The following ANKS6 variants were observed in gnomAD, a reference collection of about 807,000 sequenced individuals.
ANKS6 encodes the protein ankyrin repeat and sterile alpha motif domain containing 6, also known as ankyrin repeat and SAM domain-containing protein 6.
ANKS6 carries 47 observed loss-of-function variants against 77.9 expected under a neutral mutation model. That is an observed-to-expected ratio of 0.60 (90% CI 0.48 to 0.77). The LOEUF is 0.77. Ranked by LOEUF, ANKS6 falls within the 30% of genes least tolerant of loss-of-function variation. ANKS6 has a pLI of 0.00. For synonymous variants in ANKS6, 488 were observed against 501.7 expected, an observed-to-expected ratio of 0.97 and a Z score of 0.37; for missense variants, 1,150 against 1,159.1, an observed-to-expected ratio of 0.99 and a Z score of 0.11.
At chr9:98,758,451 C>T (rs562970266) in intron 11 of ANKS6, among the ~76,000 whole-genome samples, 1 of 151,882 alleles carries the variant, frequency 6.6e-6, no homozygotes, top group Non-Finnish European at 1.5e-5. Flanking sequence ...CAAAGCTTTC[C>T]AAGGTCCCTT....
intron 11 of ANKS6, among the ~76,000 whole-genome samples, chr9:98,757,114 G>A (rs1410687890): frequency 6.6e-6 from 1 of 152,146 alleles, no homozygotes; most frequent in African/African-American, 2.4e-5. Flanking sequence ...ACGTATAGAA[G>A]AGCTGCACAG....
rs202102117 is a variant in ANKS6, at chr9:98,780,219, T to C, written c.1338A>G (p.Pro446=). Residue 446 remains proline, a synonymous_variant, in exon 6 of 15, where the codon CCA becomes CCG. Transcript: ENST00000353234. ...HSKVRQPWSI[P]VLPDDKGGLK... ...GTCCACCCTTGTCATCGGGCAGCAC[T>C]GGGATGCTCCAGGGCTGTCGGACCT... is the stretch of plus-strand genomic sequence containing the variant. 63 of 1,613,968 alleles carry C rather than the reference T, an allele frequency of 3.9e-5. No homozygotes were observed. Among genetic ancestry groups the C allele is most frequent in the Non-Finnish European group, 5.0e-5 (59 of 1,180,036 alleles).
chr9:98,777,320 A>G lies in ANKS6; in HGVS notation c.1617+85T>C. Reference sequence around the variant, plus strand: ...CTATCTGTGACCACTACAAAGACAGACAAACACCTACATCCCTCCTTGTAA... The same window carrying G: ...CTATCTGTGACCACTACAAAGACAGGCAAACACCTACATCCCTCCTTGTAA... On this transcript the variant is annotated intron_variant, in intron 8 of 14. Transcript: ENST00000353234. 5 of 1,468,444 alleles carry G rather than the reference A, an allele frequency of 3.4e-6. No homozygotes were observed. In the South Asian group the frequency reaches 5.8e-5, roughly 17 times the overall value. 91.0% of individuals were successfully genotyped at this position (1,468,444 alleles called of 1,614,324 possible).
At chr9:98,756,729 A>G in intron 11 of ANKS6, 126 bp from the exon 12 acceptor site, 1 of 801,548 alleles carries the variant, frequency 1.2e-6, no homozygotes. Flanking sequence ...CAAGACTATG[A>G]AATCTACTTT....
chr9:98,766,613 T>C (rs1220682584), intron 11 of ANKS6, among the ~76,000 whole-genome samples: 1 of 152,192 alleles, frequency 6.6e-6, no homozygotes, highest in East Asian at 1.9e-4. Flanking sequence ...CAAATTATTT[T>C]GAAGATAAAA....
At position 98,735,113 on chromosome 9, in the gene ANKS6, C is replaced by A. The variant is rs1024008648; in HGVS notation, c.*1406G>T. The A allele has an allele frequency of 3.0e-6, 3 of 985,282 alleles. No individual in the cohort carries two copies. In the African/African-American group the frequency reaches 5.2e-5, roughly 17 times the overall value. The allele number at this position is 985,282 out of a possible 1,614,324, so 61.0% of individuals were successfully genotyped here. ...ATGGCTCAAGGTAGAGATCAGAATT[C>A]TGTGCAGCCTACCATCGACTGGGTA... On this transcript the variant is annotated 3_prime_UTR_variant, in exon 15 of 15. Coordinates refer to ENST00000353234, the MANE Select transcript of ANKS6 (RefSeq NM_173551.5).
chr9:98,786,236 C>T (rs1834557633), intron 2 of ANKS6, among the ~76,000 whole-genome samples: 1 of 151,770 alleles, frequency 6.6e-6, no homozygotes, highest in South Asian at 2.1e-4. Context: ...GCCTTGGCCT[C>T]CCAAACTGCT....
intron 9 of ANKS6, among the ~76,000 whole-genome samples, 168 bp downstream of exon 9, chr9:98,773,709 T>G (rs991715763): frequency 6.6e-6 from 1 of 152,158 alleles, no homozygotes; most frequent in Non-Finnish European, 1.5e-5. Flanking sequence ...TTTTCCATAC[T>G]GAGTTGCTCT....
intron 1 of ANKS6, among the ~76,000 whole-genome samples, 177 bp from the exon 2 acceptor site, chr9:98,790,783 G>C (rs542611400): frequency 2.6e-4 from 40 of 152,342 alleles, no homozygotes; most frequent in Middle Eastern, 3.4e-3. Flanking sequence ...ATGAAGGTGA[G>C]CAGCTGCCCT....
rs759935254 is a variant in ANKS6 at position 98,735,783 on chromosome 9, A to G, written c.*736T>C. The G allele has an allele frequency of 4.7e-4, 579 of 1,231,640 alleles. No homozygotes were observed. The highest frequency in any genetic ancestry group is 4.9e-4 in the Non-Finnish European group (484 of 987,988). The allele number at this position is 1,231,640 out of a possible 1,614,324, so 76.3% of individuals were successfully genotyped here. On this transcript the variant is annotated 3_prime_UTR_variant, in exon 15 of 15. Coordinates refer to ENST00000353234, the MANE Select transcript of ANKS6 (RefSeq NM_173551.5). ...TTCTATAATAGACTCTCTTTGCAATAAAGAAAAATGCGTTTGACATACACA... is the reference window on the plus strand; with the variant it reads ...TTCTATAATAGACTCTCTTTGCAATGAAGAAAAATGCGTTTGACATACACA...
Position 98,736,030 on chromosome 9 carries a change from G to A in ANKS6, c.*489C>T, listed in dbSNP as rs1831479906. ...CCATCTAAGTCAAAAGTTGTTGCTG[G>A]GAAGCCACTATGTGGAGACTGCACA... On this transcript the variant is annotated 3_prime_UTR_variant, in exon 15 of 15. Transcript: ENST00000353234. 8.3e-7 allele frequency: 1 copy of A among 1,200,618 alleles called. No homozygotes were observed. Among genetic ancestry groups the A allele is most frequent in the Non-Finnish European group, 1.0e-6 (1 of 969,022 alleles). 74.4% of individuals were successfully genotyped at this position (1,200,618 alleles called of 1,614,324 possible).
chr9:98,765,546 G>C (rs1047566692), intron 11 of ANKS6, among the ~76,000 whole-genome samples: 1 of 152,192 alleles, frequency 6.6e-6, no homozygotes, highest in Non-Finnish European at 1.5e-5. Context: ...AGCCAGGTGA[G>C]TGATCCTGCA....
At chr9:98,771,850 A>T (rs1440515594) in intron 9 of ANKS6, among the ~76,000 whole-genome samples, 2 of 151,754 alleles carry the variant, frequency 1.3e-5, no homozygotes, top group Admixed American at 6.6e-5. Flanking sequence ...CACGGCTGTG[A>T]TCCCTTCCAG....
rs551034187 is a variant in ANKS6 at position 98,754,663 on chromosome 9, G to A, written c.2326+1757C>T. On this transcript the variant is annotated intron_variant, in intron 12 of 14. Transcript: ENST00000353234. ...TCTCAAAAAAAAAAAAGCTCTTCGG[G>A]GATGGATTGCAGCCCCCGGCCTATA... Among the ~76,000 whole-genome samples, 3 of 152,072 alleles carry A rather than the reference G, an allele frequency of 2.0e-5. No homozygotes were observed. The South Asian group carries it at 6.2e-4, about 32-fold the overall frequency.
chr9:98,748,038 C>T (rs550704145), intron 13 of ANKS6, among the ~76,000 whole-genome samples: 19 of 152,364 alleles, frequency 1.2e-4, no homozygotes, highest in African/African-American at 4.6e-4. Context: ...TAGCTCTCAG[C>T]CCAGGTCTTC....
In ANKS6 at chr9:98,796,135, G is replaced by T; in HGVS notation, c.357C>A (p.Ala119=). 1.5e-6 allele frequency: 2 copies of T among 1,375,874 alleles called. No homozygotes were observed. The highest frequency in any genetic ancestry group is 1.9e-6 in the Non-Finnish European group (2 of 1,064,166). The allele number at this position is 1,375,874 out of a possible 1,614,324, so 85.2% of individuals were successfully genotyped here. ...HYGWSALMQA[A]RFGHVSVAHL... is the part of the protein sequence containing the mutation. ...GCCCCCGGGCCCCGCCGCCTCACCTGGCCGCCTGCATGAGCGCGCTCCAGC... is the reference window on the plus strand; with the variant it reads ...GCCCCCGGGCCCCGCCGCCTCACCTTGCCGCCTGCATGAGCGCGCTCCAGC... The change falls in exon 1 of 15, where the codon GCC becomes GCA. Residue 119 remains alanine, a splice_region_variant and synonymous_variant. Transcript: ENST00000353234.
chr9:98,748,429 G>A (rs1360431992), intron 13 of ANKS6, among the ~76,000 whole-genome samples: 1 of 152,138 alleles, frequency 6.6e-6, no homozygotes, highest in African/African-American at 2.4e-5. Context: ...CCAATTTTTA[G>A]CTGGGCACAT....
rs1447808523 is a variant in ANKS6 at position 98,778,379 on chromosome 9, T to A, written c.1414A>T (p.Met472Leu). ...GACAGCCCACGGGGCAGCGTCTGCA[T>A]CAGTTTGAGCTTTCGGAACCGATTG... is the stretch of plus-strand genomic sequence containing the variant. ...MSNRFRKLKLMQTLPRGLSSN... is the reference protein window; with the variant it reads ...MSNRFRKLKLLQTLPRGLSSN... The change falls in exon 7 of 15, where the codon ATG (methionine) becomes TTG (leucine). Residue 472 changes from methionine (M) to leucine (L), a missense_variant. Physicochemically the swap from Met to Leu is conservative, Grantham distance 15. Coordinates refer to ENST00000353234, the MANE Select transcript of ANKS6 (RefSeq NM_173551.5). The A allele has an allele frequency of 1.9e-6, 3 of 1,614,062 alleles. No individual in the cohort carries two copies. Among genetic ancestry groups the A allele is most frequent in the East Asian group, 2.2e-5 (1 of 44,860 alleles).
rs183243753 is a variant in ANKS6, at chr9:98,782,265, C to A, written c.1219+202G>T. ...TTGGTGCTGGAGGAAGTCCCCGGGGCCACCTGGTCCAAGTCCAGCGCTTCA... is the reference window on the plus strand; with the variant it reads ...TTGGTGCTGGAGGAAGTCCCCGGGGACACCTGGTCCAAGTCCAGCGCTTCA... On this transcript the variant is annotated intron_variant, in intron 5 of 14. Coordinates refer to ENST00000353234, the MANE Select transcript of ANKS6 (RefSeq NM_173551.5). 2.5e-3 allele frequency among the ~76,000 whole-genome samples: 377 copies of A among 152,236 alleles called. 1 individual carries two copies. Among genetic ancestry groups the A allele is most frequent in the African/African-American group, 8.8e-3 (364 of 41,538 alleles).
Sources: gnomAD v4.1 joint callset for allele counts (sites outside exome capture counted in the v4.1 genomes callset) on GRCh38, gnomAD v4.1.1 for gene constraint, MANE v1.5 for transcripts, NCBI Gene and HGNC (gene_info 2026-07-23, HGNC 2026-07-21) for gene names.